Variants in CAPN8 observed in about 807,000 individuals in gnomAD.
The protein encoded by CAPN8 is calpain-8.
A neutral mutation model predicts 80.9 loss-of-function variants in CAPN8; 87 were observed. The ratio of observed to expected loss-of-function variants is 1.07; its 90% CI spans 0.90 to 1.28. The LOEUF is 1.28. CAPN8 is among the 50% of genes most tolerant of loss of function. CAPN8 has a pLI of 0.00. For missense variants in CAPN8, 757 were observed against 702.0 expected (o/e 1.08, Z -0.89); for synonymous variants, 299 against 273.8 (o/e 1.09, Z -0.91).
chr1:223,662,799 A>G (rs1419992241), intron 1 of CAPN8, among the ~76,000 whole-genome samples: 3 of 152,230 alleles, frequency 2.0e-5, no homozygotes, highest in Admixed American at 6.5e-5. Flanking sequence ...AAAAATAATA[A>G]TGAAGCATTT....
rs1572219139 is a variant in CAPN8, at chr1:223,545,151, T to A, written c.1833+80A>T. 30 of 1,548,160 alleles carry A rather than the reference T, an allele frequency of 1.9e-5. No individual in the cohort carries two copies. The East Asian group carries it at 7.1e-4, about 37-fold the overall frequency. On this transcript the variant is annotated intron_variant, in intron 17 of 20. Transcript: ENST00000366872. ...GTTTTGACCATGATTAAGGATGTGGTCAGAATACAATGGACCAGGAATGAG... is the reference window on the plus strand; with the variant it reads ...GTTTTGACCATGATTAAGGATGTGGACAGAATACAATGGACCAGGAATGAG...
chr1:223,620,763 C>T (rs576210881), intron 7 of CAPN8, among the ~76,000 whole-genome samples: 1 of 152,242 alleles, frequency 6.6e-6, no homozygotes, highest in South Asian at 2.1e-4. Context: ...CTTACACCCA[C>T]GAGAATGATC....
intron 11 of CAPN8, 98 bp downstream of exon 11, chr1:223,612,148 G>A: frequency 9.5e-7 from 1 of 1,054,010 alleles, no homozygotes; most frequent in East Asian, 3.3e-5. Context: ...GGAACAACCA[G>A]CTTCTACCAC....
intron 2 of CAPN8, among the ~76,000 whole-genome samples, chr1:223,633,050 A>G (rs1013118538): frequency 5.9e-5 from 9 of 152,232 alleles, no homozygotes; most frequent in African/African-American, 2.2e-4. Context: ...AGCAGAGCAC[A>G]GTGTGAGTCT....
At chr1:223,619,491 G>T (rs1044649196) in intron 8 of CAPN8, 38 bp from the exon 9 acceptor site, 1 of 1,549,656 alleles carries the variant, frequency 6.5e-7, no homozygotes, top group Non-Finnish European at 8.7e-7. Flanking sequence ...AGTGAAGAGG[G>T]CTGGGTTGTG....
In CAPN8 at chr1:223,622,172, G is replaced by C. The variant is rs190266486; in HGVS notation, c.899+643C>G. Among the ~76,000 whole-genome samples the C allele has an allele frequency of 1.3e-4, 20 of 152,252 alleles. No individual in the cohort carries two copies. The East Asian group carries it at 3.1e-3, about 23-fold the overall frequency. ...TCTGCCAGGCCAGCTGTGCTCACTG[G>C]ACAGAAACCACCCCATGCTTTCCAC... On this transcript the variant is annotated intron_variant, in intron 7 of 20. Coordinates refer to ENST00000366872, the MANE Select transcript of CAPN8 (RefSeq NM_001143962.2).
At chr1:223,653,106 T>C (rs751180055) in intron 2 of CAPN8, among the ~76,000 whole-genome samples, 4 of 151,078 alleles carry the variant, frequency 2.6e-5, no homozygotes, top group Middle Eastern at 3.4e-3. Flanking sequence ...AGGTTAAACA[T>C]GGAGCTGGAA....
chr1:223,618,046 G>A, intron 9 of CAPN8: 1 of 591,800 alleles, frequency 1.7e-6, no homozygotes, highest in Non-Finnish European at 3.0e-6. Flanking sequence ...CTAGCACCGA[G>A]CACAGCCCTG....
chr1:223,662,006 C>T (rs1658656875), intron 1 of CAPN8, among the ~76,000 whole-genome samples: 1 of 152,190 alleles, frequency 6.6e-6, no homozygotes, highest in South Asian at 2.1e-4. Flanking sequence ...GAAATTTTGA[C>T]ATATGCCACA....
rs979882718 is a variant in CAPN8 at position 223,639,246 on chromosome 1, T to TA, written c.308-10467dup. 1.2e-3 allele frequency among the ~76,000 whole-genome samples: 175 copies of TA among 151,890 alleles called. 1 individual carries two copies. The highest frequency in any genetic ancestry group is 3.8e-3 in the African/African-American group (159 of 41,452). ...CAGAGCAAGATTCCATCTCAAAAAATAAAAAAATAAAATAAAATAAAGTAG... is the reference window on the plus strand; with the variant it reads ...CAGAGCAAGATTCCATCTCAAAAAATAAAAAAAATAAAATAAAATAAAGTAG... On this transcript the variant is annotated intron_variant, in intron 2 of 20. Coordinates refer to ENST00000366872, the MANE Select transcript of CAPN8 (RefSeq NM_001143962.2).
At position 223,616,075 on chromosome 1, in the gene CAPN8, G is replaced by A. The variant is rs769198586; in HGVS notation, c.1206C>T (p.Ile402=). 65 of 1,552,068 alleles carry A rather than the reference G, an allele frequency of 4.2e-5. No individual in the cohort carries two copies. Among genetic ancestry groups the A allele is most frequent in the South Asian group, 9.5e-5 (8 of 84,074 alleles). Residue 402 remains isoleucine (I), a synonymous_variant, in exon 10 of 21, where the codon ATC becomes ATT. Transcript: ENST00000366872. ...GCAGCACTGTACAGCAGGGTTCACC[G>A]ATGCTCTCCTCCTGGTCCTCATCCA... The part of the protein sequence containing the change: ...DEVDEDQEES[I]GEPCCTVLLG...
intron 2 of CAPN8, among the ~76,000 whole-genome samples, chr1:223,633,025 C>T (rs183910643): frequency 3.7e-4 from 56 of 152,312 alleles, no homozygotes; most frequent in South Asian, 2.1e-3. Flanking sequence ...TGAAGGTCAG[C>T]ATAGGAGAGT....
intron 14 of CAPN8, among the ~76,000 whole-genome samples, chr1:223,551,297 C>T (rs1174872107): frequency 1.3e-5 from 2 of 152,192 alleles, no homozygotes. Context: ...TGCGTGCCAC[C>T]ACGCCTGGCT....
intron 18 of CAPN8, 183 bp from the exon 19 acceptor site, chr1:223,544,366 G>C: frequency 3.3e-6 from 2 of 598,726 alleles, no homozygotes; most frequent in South Asian, 2.0e-5. Context: ...CCCTCTCCTT[G>C]TAGCTACTCC....
At chr1:223,664,240 CA>C (rs1274457127) in intron 1 of CAPN8, among the ~76,000 whole-genome samples, 6 of 152,168 alleles carry the variant, frequency 3.9e-5, no homozygotes, top group African/African-American at 1.4e-4. Context: ...CACAGAGCCC[CA>C]GCTCCCACCT....
intron 1 of CAPN8, among the ~76,000 whole-genome samples, chr1:223,660,953 G>A (rs998055719): frequency 2.6e-5 from 4 of 152,174 alleles, no homozygotes; most frequent in African/African-American, 9.7e-5. Flanking sequence ...GGTCACTTGA[G>A]ACCAGGAGTT....
At chr1:223,616,195 T>C in intron 9 of CAPN8, 50 bp from the exon 10 acceptor site, 3 of 1,505,604 alleles carry the variant, frequency 2.0e-6, no homozygotes, top group Non-Finnish European at 2.7e-6. Flanking sequence ...GGTGAGGAGA[T>C]GAAGAAGAAT....
intron 1 of CAPN8, among the ~76,000 whole-genome samples, chr1:223,660,967 G>A (rs1489621253): frequency 1.3e-5 from 2 of 152,178 alleles, no homozygotes; most frequent in Non-Finnish European, 2.9e-5. Context: ...AGGAGTTTGA[G>A]ACCAGCCTCG....
chr1:223,660,392 C>T (rs190123541), intron 1 of CAPN8, among the ~76,000 whole-genome samples: 314 of 152,224 alleles, frequency 2.1e-3, no homozygotes, highest in African/African-American at 7.4e-3. Context: ...TAAGAACACC[C>T]CCGATCTCAC....
Sources: allele counts gnomAD v4.1 joint callset (sites outside exome capture counted in the v4.1 genomes callset), GRCh38; gene constraint gnomAD v4.1.1; transcripts MANE v1.5; gene names NCBI Gene and HGNC (gene_info 2026-07-23, HGNC 2026-07-21).